The following NTN1 variants were observed in gnomAD, a reference collection of about 807,000 sequenced individuals.
NTN1 encodes netrin 1, also known as netrin-1.
NTN1 carries 11 observed loss-of-function variants against 54.2 expected under a neutral mutation model. The observed-to-expected ratio is 0.20, with a 90% CI of 0.13 to 0.34. The LOEUF (loss-of-function observed/expected upper bound fraction) is 0.34. Ranked by LOEUF, NTN1 falls within the 10% of genes least tolerant of loss-of-function variation. The pLI is 1.00. For missense variants in NTN1, 740 were observed against 893.1 expected, an observed-to-expected ratio of 0.83 and a Z score of 2.18; for synonymous variants, 371 against 382.0, an observed-to-expected ratio of 0.97 and a Z score of 0.33.
At chr17:9,039,180 A>G (rs1416109044) in intron 2 of NTN1, among the ~76,000 whole-genome samples, 1 of 152,188 alleles carries the variant, frequency 6.6e-6, no homozygotes, top group African/African-American at 2.4e-5. Flanking sequence ...TTCACTCATT[A>G]TTCATCTGTT....
intron 2 of NTN1, among the ~76,000 whole-genome samples, chr17:9,120,016 C>G (rs1224226078): frequency 4.6e-5 from 7 of 152,080 alleles, no homozygotes; most frequent in African/African-American, 1.7e-4. Context: ...CGTGGTGGCT[C>G]ACACCTGTAA....
At chr17:9,072,597 C>T (rs1002221845) in intron 2 of NTN1, among the ~76,000 whole-genome samples, 1 of 152,080 alleles carries the variant, frequency 6.6e-6, no homozygotes, top group South Asian at 2.1e-4. Context: ...GGCAGGGAGG[C>T]CCCCTGCATT....
intron 2 of NTN1, among the ~76,000 whole-genome samples, chr17:9,107,151 C>T (rs1458039195): frequency 1.3e-5 from 2 of 152,214 alleles, no homozygotes; most frequent in African/African-American, 4.8e-5. Context: ...CTCTCCAACT[C>T]TATGATTCTG....
intron 5 of NTN1, among the ~76,000 whole-genome samples, chr17:9,205,833 G>T (rs1376667081): frequency 5.3e-5 from 8 of 152,270 alleles, no homozygotes; most frequent in Non-Finnish European, 1.2e-4. Context: ...TCTCCTGTGT[G>T]TAATGGCCAT....
intron 2 of NTN1, among the ~76,000 whole-genome samples, chr17:9,132,772 G>T (rs2092269764): frequency 6.6e-6 from 1 of 152,172 alleles, no homozygotes; most frequent in South Asian, 2.1e-4. Flanking sequence ...TACTCAGGAG[G>T]CTGAGGCAGG....
In NTN1 at chr17:9,239,647, G is replaced by C; in HGVS notation, c.1494G>C (p.Gln498His). The C allele has an allele frequency of 6.2e-7, 1 of 1,608,598 alleles. No homozygotes were observed. The highest frequency in any genetic ancestry group is 8.5e-7 in the Non-Finnish European group (1 of 1,175,470). The change falls in exon 7 of 7, where the codon CAG (glutamine) becomes CAC (histidine). Residue 498 changes from glutamine (Q) to histidine (H), a missense_variant. Gln to His is a conservative substitution (Grantham distance 24). Transcript: ENST00000173229. The surrounding 1 kb of genome is among the most constrained non-coding windows in gnomAD (Gnocchi z 5.2). ...GCCTGTGCTTCCTTGCAGCCGTCCA[G>C]ATCCACATCCTGAAGGCGGACAAGG... ...KKYCKKDYAV[Q>H]IHILKADKAG...
chr17:9,232,194 G>T (rs937421396), intron 6 of NTN1, among the ~76,000 whole-genome samples: 6 of 152,218 alleles, frequency 3.9e-5, no homozygotes, highest in African/African-American at 1.4e-4. Context: ...GGAGGCGGCT[G>T]CGGCTTCCTC....
At chr17:9,026,641 C>T (rs1206637831) in intron 2 of NTN1, among the ~76,000 whole-genome samples, 2 of 151,784 alleles carry the variant, frequency 1.3e-5, no homozygotes, top group Non-Finnish European at 2.9e-5. Context: ...GTTGCTAGGC[C>T]CCTTCCCCCC....
At chr17:9,214,042 C>A (rs1905166112) in intron 5 of NTN1, among the ~76,000 whole-genome samples, 1 of 151,232 alleles carries the variant, frequency 6.6e-6, no homozygotes, top group South Asian at 2.1e-4. Flanking sequence ...TTGGGCTTTT[C>A]AAAGAATCAG....
chr17:9,077,211 A>C (rs1450302619), intron 2 of NTN1, among the ~76,000 whole-genome samples: 1 of 152,250 alleles, frequency 6.6e-6, no homozygotes, highest in African/African-American at 2.4e-5. Flanking sequence ...GAAAGGTTCA[A>C]AAGAAAAAAA....
Position 9,221,172 on chromosome 17 carries a change from C to T in NTN1, c.1416C>T (p.Cys472=), listed in dbSNP as rs376071535. ...AASSVEEPED[C]DSYCKASKGK... is the part of the protein sequence containing the mutation. ...TCCCCCCCCACCCCCCTGCAGACTGCGATTCCTACTGCAAGGCCTCCAAGG... is the reference window on the plus strand; with the variant it reads ...TCCCCCCCCACCCCCCTGCAGACTGTGATTCCTACTGCAAGGCCTCCAAGG... Residue 472 remains cysteine (C), a synonymous_variant, in exon 6 of 7, where the codon TGC becomes TGT. Coordinates refer to ENST00000173229, the MANE Select transcript of NTN1 (RefSeq NM_004822.3). The surrounding 1 kb of genome is among the most constrained non-coding windows in gnomAD (Gnocchi z 4.5). The T allele has an allele frequency of 3.5e-4, 554 of 1,579,792 alleles. No homozygotes were observed. The highest frequency in any genetic ancestry group is 4.5e-4 in the Non-Finnish European group (514 of 1,153,826).
At chr17:9,066,101 C>A (rs945023146) in intron 2 of NTN1, among the ~76,000 whole-genome samples, 22 of 152,020 alleles carry the variant, frequency 1.4e-4, no homozygotes, top group Non-Finnish European at 2.5e-4. Context: ...TATTATTGTC[C>A]GGTCAAGAAG....
chr17:9,112,044 A>G (rs528215510), intron 2 of NTN1, among the ~76,000 whole-genome samples: 46 of 152,360 alleles, frequency 3.0e-4, no homozygotes, highest in African/African-American at 9.9e-4. Flanking sequence ...GAGTCCCCAG[A>G]AAACAGATAA....
intron 2 of NTN1, among the ~76,000 whole-genome samples, chr17:9,159,916 A>G (rs2092352679): frequency 6.6e-6 from 1 of 152,172 alleles, no homozygotes; most frequent in African/African-American, 2.4e-5. Context: ...GCAGAGCACA[A>G]ATATATATGT....
At chr17:9,238,270 A>T (rs1906061707) in intron 6 of NTN1, among the ~76,000 whole-genome samples, 2 of 152,148 alleles carry the variant, frequency 1.3e-5, no homozygotes, top group Admixed American at 6.5e-5. Context: ...TGCTGAAGCC[A>T]CAGAGCTTGC....
At chr17:9,208,262 T>TTTATTTA (rs1466792001) in intron 5 of NTN1, among the ~76,000 whole-genome samples, 2 of 152,154 alleles carry the variant, frequency 1.3e-5, no homozygotes, top group Admixed American at 6.5e-5. Context: ...GCCTAAGCCC[T>TTTATTTA]TTACCCAGGC....
chr17:9,086,815 A>G (rs1252064534), intron 2 of NTN1, among the ~76,000 whole-genome samples: 5 of 151,988 alleles, frequency 3.3e-5, no homozygotes, highest in African/African-American at 1.2e-4. Flanking sequence ...CACCATCATC[A>G]CCATCATCGT....
At chr17:9,090,771 T>C (rs903599408) in intron 2 of NTN1, among the ~76,000 whole-genome samples, 1 of 152,124 alleles carries the variant, frequency 6.6e-6, no homozygotes, top group South Asian at 2.1e-4. Context: ...AATGCTCCTA[T>C]GGACTGGGAG....
At chr17:9,122,015 T>C (rs1230828529) in intron 2 of NTN1, among the ~76,000 whole-genome samples, 2 of 151,800 alleles carry the variant, frequency 1.3e-5, no homozygotes, top group Non-Finnish European at 2.9e-5. Flanking sequence ...TTTGGGGTTC[T>C]AGGGAGTTCG....
Sources: gnomAD v4.1 joint callset for allele counts (sites outside exome capture counted in the v4.1 genomes callset) on GRCh38, gnomAD v4.1.1 for gene constraint, Gnocchi (gnomAD v3.1) non-coding constraint, MANE v1.5 for transcripts, NCBI Gene and HGNC (gene_info 2026-07-23, HGNC 2026-07-21) for gene names.